The following CSMD2 variants were observed in gnomAD, a reference collection of about 807,000 sequenced individuals.
The protein encoded by CSMD2 is CUB and Sushi multiple domains 2.
Under a neutral mutation model 398.5 loss-of-function variants are expected in CSMD2, and 130 were observed. The ratio of observed to expected loss-of-function variants is 0.33; its 90% CI spans 0.28 to 0.38. The LOEUF (loss-of-function observed/expected upper bound fraction) is 0.38, where lower values mean the gene tolerates loss of function less well. Among genes scored for constraint, CSMD2 ranks in the 10% least tolerant of loss-of-function variants. CSMD2 has a pLI of 1.00. For missense variants in CSMD2, 3,829 were observed against 4,764.9 expected, an observed-to-expected ratio of 0.80 and a Z score of 5.78; for synonymous variants, 1,828 against 1,908.5, an observed-to-expected ratio of 0.96 and a Z score of 1.10.
intron 25 of CSMD2, 98 bp from the exon 26 acceptor site, chr1:33,663,190 C>A: frequency 1.0e-6 from 1 of 967,732 alleles, no homozygotes; most frequent in Non-Finnish European, 1.6e-6. Flanking sequence ...TGGCCCTAAA[C>A]CTACAAAGCC....
chr1:33,541,386 C>T, intron 58 of CSMD2, 77 bp from the exon 59 acceptor site: 1 of 1,086,792 alleles, frequency 9.2e-7, no homozygotes, highest in Non-Finnish European at 1.4e-6. Flanking sequence ...CCTATCACTC[C>T]CTGCATGCAT....
chr1:33,629,349 C>G (rs1239678710), intron 32 of CSMD2, among the ~76,000 whole-genome samples: 1 of 151,960 alleles, frequency 6.6e-6, no homozygotes, highest in Non-Finnish European at 1.5e-5. Context: ...CAAACAAAAG[C>G]GCAGAAAGAA....
intron 1 of CSMD2, among the ~76,000 whole-genome samples, chr1:34,158,397 T>G (rs532959514): frequency 6.6e-6 from 1 of 152,296 alleles, no homozygotes; most frequent in African/African-American, 2.4e-5. Flanking sequence ...TGCAAGGCCA[T>G]ATGCCACCCA....
intron 1 of CSMD2, among the ~76,000 whole-genome samples, chr1:34,131,492 C>T (rs1001364254): frequency 2.0e-5 from 3 of 152,162 alleles, no homozygotes; most frequent in African/African-American, 7.2e-5. Flanking sequence ...GCTGACTTGG[C>T]CCTGGTGTCA....
At chr1:33,905,957 A>T (rs1193297410) in intron 5 of CSMD2, among the ~76,000 whole-genome samples, 1 of 152,240 alleles carries the variant, frequency 6.6e-6, no homozygotes, top group Non-Finnish European at 1.5e-5. Context: ...AATTATGTAT[A>T]GCATATCTGA....
At chr1:33,829,501 A>G (rs980305127) in intron 6 of CSMD2, among the ~76,000 whole-genome samples, 1 of 152,156 alleles carries the variant, frequency 6.6e-6, no homozygotes, top group African/African-American at 2.4e-5. Context: ...TTAACTCGTC[A>G]TTTAACATTA....
At chr1:33,923,576 G>A (rs1455471453) in intron 4 of CSMD2, among the ~76,000 whole-genome samples, 2 of 152,174 alleles carry the variant, frequency 1.3e-5, no homozygotes, top group South Asian at 2.1e-4. Flanking sequence ...TAGGTGTAAT[G>A]ATCCATTCAG....
At chr1:34,072,599 C>T (rs1378063283) in intron 2 of CSMD2, among the ~76,000 whole-genome samples, 4 of 152,118 alleles carry the variant, frequency 2.6e-5, no homozygotes, top group Admixed American at 1.3e-4. Flanking sequence ...GGCAGCACAG[C>T]CTTTTGGACT....
At chr1:33,541,040 C>G in intron 59 of CSMD2, 90 bp downstream of exon 59, 1 of 1,344,290 alleles carries the variant, frequency 7.4e-7, no homozygotes, top group Non-Finnish European at 1.0e-6. Flanking sequence ...GGCCTTTCAC[C>G]CCTCTCCCTT....
intron 19 of CSMD2, among the ~76,000 whole-genome samples, chr1:33,718,698 G>A (rs767373384): frequency 1.8e-4 from 28 of 152,192 alleles, no homozygotes; most frequent in Non-Finnish European, 3.7e-4. Flanking sequence ...GATCCCAAAT[G>A]ATTTATACAC....
chr1:33,666,752 T>C (rs1483306414), intron 25 of CSMD2, among the ~76,000 whole-genome samples: 2 of 151,998 alleles, frequency 1.3e-5, no homozygotes, highest in African/African-American at 4.8e-5. Flanking sequence ...CAAACACACA[T>C]ACTCACTGCT....
At chr1:34,025,276 G>A (rs1488311712) in intron 3 of CSMD2, among the ~76,000 whole-genome samples, 4 of 151,606 alleles carry the variant, frequency 2.6e-5, no homozygotes, top group Non-Finnish European at 5.9e-5. Flanking sequence ...TTTTTTTCCA[G>A]AAGTGACACT....
chr1:34,042,534 A>C (rs1651971735), intron 2 of CSMD2, among the ~76,000 whole-genome samples: 1 of 152,088 alleles, frequency 6.6e-6, no homozygotes, highest in Non-Finnish European at 1.5e-5. Flanking sequence ...ATAAACCCCC[A>C]CTTTTCATAA....
At chr1:34,050,505 C>G (rs773542970) in intron 2 of CSMD2, among the ~76,000 whole-genome samples, 8 of 152,226 alleles carry the variant, frequency 5.3e-5, no homozygotes, top group Non-Finnish European at 1.0e-4. Flanking sequence ...ACCCTCCAAT[C>G]TGAAGCAGCT....
intron 2 of CSMD2, among the ~76,000 whole-genome samples, chr1:34,066,379 T>A (rs959135288): frequency 2.0e-5 from 3 of 152,202 alleles, no homozygotes; most frequent in Non-Finnish European, 4.4e-5. Context: ...TGGAATTTCC[T>A]TTCCCTCGGA....
chr1:33,837,020 A>G (rs1331209881), intron 6 of CSMD2, among the ~76,000 whole-genome samples: 1 of 152,180 alleles, frequency 6.6e-6, no homozygotes, highest in Non-Finnish European at 1.5e-5. Context: ...CCAGAATATT[A>G]GCATTAAGAC....
chr1:33,595,231 T>C (rs1039813687), intron 44 of CSMD2, among the ~76,000 whole-genome samples: 5 of 152,230 alleles, frequency 3.3e-5, no homozygotes, highest in African/African-American at 1.2e-4. Context: ...CCTTCAGAAC[T>C]TTTATATTTT....
chr1:33,700,757 C>T, intron 22 of CSMD2, 84 bp from the exon 23 acceptor site: 3 of 1,364,050 alleles, frequency 2.2e-6, no homozygotes, highest in Non-Finnish European at 3.1e-6. Context: ...AACCCACACT[C>T]CTGGAGTTTA....
At chr1:33,581,110 C>T (rs1183668793) in intron 47 of CSMD2, among the ~76,000 whole-genome samples, 1 of 142,112 alleles carries the variant, frequency 7.0e-6, no homozygotes, top group Non-Finnish European at 1.5e-5. Context: ...AAGTCCCTGC[C>T]TACCTCTAGG....
Sources: gnomAD v4.1 joint callset for allele counts (sites outside exome capture counted in the v4.1 genomes callset) on GRCh38, gnomAD v4.1.1 for gene constraint, MANE v1.5 for transcripts, NCBI Gene and HGNC (gene_info 2026-07-23, HGNC 2026-07-21) for gene names.